The following NTRK2 variants were observed in gnomAD, a reference collection of about 807,000 sequenced individuals.
NTRK2 encodes BDNF/NT-3 growth factors receptor.
NTRK2 carries 13 observed loss-of-function variants against 94.5 expected under a neutral mutation model. The ratio of observed to expected loss-of-function variants is 0.14; its 90% CI spans 0.09 to 0.22. The LOEUF is 0.22. Ranked by LOEUF, NTRK2 falls within the 10% of genes least tolerant of loss-of-function variation. The probability of loss-of-function intolerance (pLI) is 1.00; values close to 1 mark genes in which losing one functional copy is unlikely to be tolerated. For synonymous variants in NTRK2, 372 were observed against 407.4 expected (o/e 0.91, Z 1.05); for missense variants, 639 against 1,071.2 (o/e 0.60, Z 5.63).
At position 84,747,473 on chromosome 9, in the gene NTRK2, GTTTTTTTTTTT is replaced by G. The variant is rs766939495; in HGVS notation, c.1296+2412_1296+2422del. On this transcript the variant is annotated intron_variant, in intron 11 of 18. Coordinates refer to ENST00000277120, the MANE Select transcript of NTRK2 (RefSeq NM_006180.6). ...TTATATGTTGACTTTAGTTTTCTGG[GTTTTTTTTTTT>G]TTTTTTTTTTTGTGATGGAGTCTCA... is the stretch of plus-strand genomic sequence containing the variant. 2.5e-5 allele frequency among the ~76,000 whole-genome samples: 3 copies of G among 122,358 alleles called. No individual in the cohort carries two copies. The Admixed American group carries it at 2.5e-4, about 10-fold the overall frequency. The allele number at this position is 122,358 out of a possible 152,430, so 80.3% of individuals were successfully genotyped here. A position where few individuals can be genotyped will look rare whatever the true frequency, so the allele number is the denominator to read the frequency against.
chr9:84,840,421 A>G (rs1357768103), intron 12 of NTRK2, among the ~76,000 whole-genome samples: 1 of 152,024 alleles, frequency 6.6e-6, no homozygotes, highest in South Asian at 2.1e-4. Flanking sequence ...CCCAGACCAT[A>G]TGCCACCTTT....
chr9:85,014,284 T>C (rs1186849396), intron 17 of NTRK2, among the ~76,000 whole-genome samples: 1 of 152,142 alleles, frequency 6.6e-6, no homozygotes, highest in African/African-American at 2.4e-5. Flanking sequence ...ATGCATTTTC[T>C]AAGAAGCCCA....
chr9:84,927,926 T>G (rs545458563), intron 14 of NTRK2, among the ~76,000 whole-genome samples: 1 of 152,310 alleles, frequency 6.6e-6, no homozygotes, highest in East Asian at 1.9e-4. Flanking sequence ...GTAAGTCAAT[T>G]AACTGAGGTG....
chr9:84,932,038 A>G (rs893058673), intron 14 of NTRK2, among the ~76,000 whole-genome samples: 1 of 152,212 alleles, frequency 6.6e-6, no homozygotes, highest in Non-Finnish European at 1.5e-5. Context: ...GAGTTCCCAG[A>G]GGCTCACAAA....
intron 11 of NTRK2, among the ~76,000 whole-genome samples, chr9:84,751,050 T>C (rs2064554657): frequency 6.6e-6 from 1 of 152,180 alleles, no homozygotes; most frequent in South Asian, 2.1e-4. Flanking sequence ...ATATCATATA[T>C]ATGGGAAAAT....
intron 14 of NTRK2, among the ~76,000 whole-genome samples, chr9:84,901,704 A>G (rs2076934842): frequency 6.6e-6 from 1 of 152,016 alleles, no homozygotes; most frequent in Admixed American, 6.5e-5. Context: ...TGCAATAATG[A>G]TGGTGGTGCT....
At chr9:84,706,314 G>A (rs2061058059) in intron 4 of NTRK2, among the ~76,000 whole-genome samples, 1 of 152,050 alleles carries the variant, frequency 6.6e-6, no homozygotes, top group Non-Finnish European at 1.5e-5. Context: ...TTCATGATTT[G>A]TGAGACACCA....
intron 17 of NTRK2, among the ~76,000 whole-genome samples, chr9:85,001,843 G>A (rs568331357): frequency 6.6e-6 from 1 of 152,330 alleles, no homozygotes; most frequent in East Asian, 1.9e-4. Context: ...AGAACAGGTA[G>A]TAAACACAAC....
chr9:84,689,311 A>C (rs966183367), intron 2 of NTRK2, among the ~76,000 whole-genome samples: 1 of 152,200 alleles, frequency 6.6e-6, no homozygotes, highest in Non-Finnish European at 1.5e-5. Context: ...CATTACTCTC[A>C]TCGTGTAGGA....
At chr9:84,912,959 A>T (rs2077286723) in intron 14 of NTRK2, among the ~76,000 whole-genome samples, 1 of 152,196 alleles carries the variant, frequency 6.6e-6, no homozygotes, top group African/African-American at 2.4e-5. Flanking sequence ...TCTTGTAGAT[A>T]GCATATAGTC....
intron 12 of NTRK2, among the ~76,000 whole-genome samples, chr9:84,828,821 G>A (rs1395743615): frequency 1.3e-5 from 2 of 152,166 alleles, no homozygotes; most frequent in Non-Finnish European, 2.9e-5. Context: ...AAAGGGGCAG[G>A]CAAATATATA....
At chr9:84,820,169 CTTTTT>C (rs902886137) in intron 12 of NTRK2, among the ~76,000 whole-genome samples, 1 of 132,530 alleles carries the variant, frequency 7.5e-6, no homozygotes. Flanking sequence ...TTCTTTCTTT[CTTTTT>C]TTTTTTTTTT....
In NTRK2 at chr9:84,867,327, C is replaced by T. The variant is rs1587743298; in HGVS notation, c.1529C>T (p.Ser510Leu). The T allele has an allele frequency of 3.7e-6, 6 of 1,613,836 alleles. No individual in the cohort carries two copies. Among genetic ancestry groups the T allele is most frequent in the Non-Finnish European group, 5.1e-6 (6 of 1,179,754 alleles). ...ISNGSNTPSS[S>L]EGGPDAVIIG... ...AATGGGAGTAACACTCCATCTTCTT[C>T]GGAAGGTGGCCCAGATGCTGTCATT... The change falls in exon 14 of 19, where the codon TCG (serine) becomes TTG (leucine). Residue 510 changes from serine to leucine, a missense_variant. This residue lies in a region of NTRK2 where 343 missense variants were observed against 571.5 expected (regional missense o/e 0.60). Coordinates refer to ENST00000277120, the MANE Select transcript of NTRK2 (RefSeq NM_006180.6).
At chr9:85,002,210 T>G (rs1228250818) in intron 17 of NTRK2, among the ~76,000 whole-genome samples, 1 of 152,180 alleles carries the variant, frequency 6.6e-6, no homozygotes, top group East Asian at 1.9e-4. Context: ...GCTTACCCCC[T>G]ACTGCCCTGG....
At chr9:84,982,919 T>C (rs1827831086) in intron 17 of NTRK2, among the ~76,000 whole-genome samples, 2 of 152,214 alleles carry the variant, frequency 1.3e-5, no homozygotes, top group African/African-American at 2.4e-5. Context: ...CAGCAGATTA[T>C]ATAGATTTTT....
chr9:84,950,607 A>G (rs1308794930), intron 16 of NTRK2, among the ~76,000 whole-genome samples: 6 of 149,258 alleles, frequency 4.0e-5, no homozygotes, highest in Non-Finnish European at 7.4e-5. Context: ...TTTTTTTTTA[A>G]TTTAGCTAGT....
intron 17 of NTRK2, among the ~76,000 whole-genome samples, chr9:85,003,583 G>A (rs1038339857): frequency 7.2e-5 from 11 of 152,110 alleles, no homozygotes; most frequent in African/African-American, 1.2e-4. Flanking sequence ...GAACTGAGGG[G>A]TCCTGCTAAA....
chr9:84,673,547 G>A (rs1435782681), intron 2 of NTRK2, among the ~76,000 whole-genome samples: 1 of 152,080 alleles, frequency 6.6e-6, no homozygotes, highest in African/African-American at 2.4e-5. Context: ...ACAACTTGCT[G>A]AAACAACGGT....
At chr9:84,942,461 A>G (rs1345536402) in intron 15 of NTRK2, among the ~76,000 whole-genome samples, 1 of 152,190 alleles carries the variant, frequency 6.6e-6, no homozygotes, top group Non-Finnish European at 1.5e-5. Flanking sequence ...TCTCAATTTT[A>G]TAGTTTAGAA....
Sources: gnomAD v4.1 joint callset for allele counts (sites outside exome capture counted in the v4.1 genomes callset) on GRCh38, gnomAD v4.1.1 for gene constraint, gnomAD v4.1.1 regional missense constraint, MANE v1.5 for transcripts, NCBI Gene and HGNC (gene_info 2026-07-23, HGNC 2026-07-21) for gene names.